Variants in RNASEL observed in about 807,000 individuals in gnomAD.
RNASEL encodes 2-5A-dependent ribonuclease.
A neutral mutation model predicts 50.9 loss-of-function variants in RNASEL; 36 were observed. The observed-to-expected ratio is 0.71, with a 90% confidence interval of 0.54 to 0.93. The LOEUF (loss-of-function observed/expected upper bound fraction) is 0.93. Among genes scored for constraint, RNASEL ranks in the 40% least tolerant of loss-of-function variants. The pLI is 0.00. For synonymous variants in RNASEL, 335 were observed against 335.6 expected (o/e 1.00, Z 0.02); for missense variants, 860 against 894.5 (o/e 0.96, Z 0.49).
chr1:182,584,000 G>A, intron 3 of RNASEL, 81 bp downstream of exon 3: 2 of 983,286 alleles, frequency 2.0e-6, no homozygotes, highest in South Asian at 1.3e-5. Flanking sequence ...TACTAGTTCT[G>A]TCCCTCTAGA....
In RNASEL at chr1:182,586,369, C is replaced by T. The variant is rs1661596708; in HGVS notation, c.438G>A (p.Lys146=). ...GCCTCAAATTCACATTTGCTCCTCT[C>T]TTATAAAGGAATTTTAGGGCTTTGA... ...GKVKALKFLY[K]RGANVNLRRK... The change falls in exon 2 of 7, where the codon AAG becomes AAA. Residue 146 remains lysine, a synonymous_variant. Transcript: ENST00000367559. 1.9e-6 allele frequency: 3 copies of T among 1,614,218 alleles called. No homozygotes were observed. The highest frequency in any genetic ancestry group is 2.5e-6 in the Non-Finnish European group (3 of 1,180,046).
intron 1 of RNASEL, among the ~76,000 whole-genome samples, chr1:182,588,179 G>A (rs981676627): frequency 4.6e-5 from 7 of 152,152 alleles, no homozygotes; most frequent in African/African-American, 7.2e-5. Context: ...AAGTCAAGGA[G>A]TATCTGCAGT....
At position 182,585,874 on chromosome 1, in the gene RNASEL, A is replaced by G. The variant is rs367817442; in HGVS notation, c.933T>C (p.Asn311=). 9.9e-6 allele frequency: 16 copies of G among 1,612,420 alleles called. No individual in the cohort carries two copies. The highest frequency in any genetic ancestry group is 1.3e-5 in the Non-Finnish European group (15 of 1,178,790). The change falls in exon 2 of 7, where the codon AAT becomes AAC. Residue 311 remains asparagine, a synonymous_variant. Coordinates refer to ENST00000367559, the MANE Select transcript of RNASEL (RefSeq NM_021133.4). Reference sequence around the variant, plus strand: ...GAACCTTCACAAGGGAATGGTCATAATTCCGCCTCGCTGTCATAACAAGAT... The same window carrying G: ...GAACCTTCACAAGGGAATGGTCATAGTTCCGCCTCGCTGTCATAACAAGAT... ...CGDLVMTARR[N]YDHSLVKVLL...
At chr1:182,581,092 G>A (rs2102366238) in intron 5 of RNASEL, 133 bp downstream of exon 5, 1 of 1,323,920 alleles carries the variant, frequency 7.6e-7, no homozygotes, top group Non-Finnish European at 1.1e-6. Context: ...AGGGATGGGA[G>A]GGCAGGAGGC....
chr1:182,588,284 T>C (rs1333211031), intron 1 of RNASEL, among the ~76,000 whole-genome samples: 1 of 152,236 alleles, frequency 6.6e-6, no homozygotes, highest in Non-Finnish European at 1.5e-5. Flanking sequence ...CCTTGGATTG[T>C]TGAATCTCAA....
chr1:182,586,347 T>C lies in RNASEL; in HGVS notation c.460A>G (p.Arg154Gly), dbSNP rs144213776. The change falls in exon 2 of 7, where the codon AGG becomes GGG. Residue 154 changes from arginine (R) to glycine (G), a missense_variant. Arg to Gly is a moderately radical substitution (Grantham distance 125, BLOSUM62 -2). Coordinates refer to ENST00000367559, the MANE Select transcript of RNASEL (RefSeq NM_021133.4). The part of the protein sequence containing the change: ...LYKRGANVNL[R>G]RKTKEDQERL... The stretch of plus-strand genomic sequence containing the variant: ...TCTTGATCCTCCTTTGTCTTTCGCC[T>C]CAAATTCACATTTGCTCCTCTCTTA... The C allele has an allele frequency of 6.2e-7, 1 of 1,614,100 alleles. No individual in the cohort carries two copies. Among genetic ancestry groups the C allele is most frequent in the Non-Finnish European group, 8.5e-7 (1 of 1,180,048 alleles).
chr1:182,573,817 G>A lies in RNASEL; in HGVS notation c.*1575C>T, dbSNP rs551063021. 1.1e-5 allele frequency: 2 copies of A among 187,572 alleles called. No individual in the cohort carries two copies. Among genetic ancestry groups the A allele is most frequent in the African/African-American group, 2.3e-5 (1 of 42,888 alleles). 11.6% of individuals were successfully genotyped at this position (187,572 alleles called of 1,614,324 possible). ...AATCAACATTTAATTTCATTCAGTG[G>A]TATCTATTTATCCATTGCTAGATAC... On this transcript the variant is annotated 3_prime_UTR_variant, in exon 7 of 7. Transcript: ENST00000367559.
chr1:182,577,596 T>C (rs1661414776), intron 5 of RNASEL, among the ~76,000 whole-genome samples: 1 of 151,862 alleles, frequency 6.6e-6, no homozygotes, highest in Non-Finnish European at 1.5e-5. Context: ...CCTATCAAAA[T>C]ACCAACATCA....
Position 182,586,163 on chromosome 1 carries a change from T to C in RNASEL, c.644A>G (p.Asp215Gly), listed in dbSNP as rs369225651. ...ATGCGTAATAGCCTCCACATCACTATCGTCAGAGCTCAGGAGAGCATGGAT... is the reference window on the plus strand; with the variant it reads ...ATGCGTAATAGCCTCCACATCACTACCGTCAGAGCTCAGGAGAGCATGGAT... ...ALIHALLSSD[D>G]SDVEAITHLL... is the part of the protein sequence containing the mutation. Residue 215 changes from aspartate (D) to glycine (G), a missense_variant, in exon 2 of 7, where the codon GAT (aspartate) becomes GGT (glycine). By Grantham distance (94) the Asp-to-Gly change is moderately conservative. Transcript: ENST00000367559. 5.0e-6 allele frequency: 8 copies of C among 1,614,154 alleles called. No individual in the cohort carries two copies. The highest frequency in any genetic ancestry group is 6.8e-6 in the Non-Finnish European group (8 of 1,180,036).
At chr1:182,575,784 G>C (rs1046391862) in intron 6 of RNASEL, among the ~76,000 whole-genome samples, 2 of 152,156 alleles carry the variant, frequency 1.3e-5, no homozygotes, top group African/African-American at 4.8e-5. Context: ...ACTTTAGATT[G>C]TTCTTTCATA....
rs978341783 is a variant in RNASEL, at chr1:182,573,950, T to C, written c.*1442A>G. Reference sequence around the variant, plus strand: ...AACATCAGACTTAGCACCAGAAAATTTGTTCAAATCAAGATAGTAACACTT... The same window carrying C: ...AACATCAGACTTAGCACCAGAAAATCTGTTCAAATCAAGATAGTAACACTT... On this transcript the variant is annotated 3_prime_UTR_variant, in exon 7 of 7. Transcript: ENST00000367559. 5.0e-6 allele frequency: 1 copy of C among 199,900 alleles called. No homozygotes were observed. Among genetic ancestry groups the C allele is most frequent in the African/African-American group, 2.3e-5 (1 of 43,526 alleles). The allele number at this position is 199,900 out of a possible 1,614,324, so 12.4% of individuals were successfully genotyped here. A position where few individuals can be genotyped will look rare whatever the true frequency, so the allele number is the denominator to read the frequency against.
intron 6 of RNASEL, among the ~76,000 whole-genome samples, chr1:182,575,851 G>A (rs1014125517): frequency 4.6e-5 from 7 of 152,198 alleles, no homozygotes; most frequent in Non-Finnish European, 5.9e-5. Flanking sequence ...ATCCAGAAGA[G>A]CCCTGAACTG....
intron 5 of RNASEL, 128 bp downstream of exon 5, chr1:182,581,097 G>A: frequency 2.2e-6 from 3 of 1,383,404 alleles, no homozygotes; most frequent in Middle Eastern, 2.0e-4. Context: ...TGGGAGGGCA[G>A]GAGGCAAAAT....
In RNASEL at chr1:182,586,939, G is replaced by T; in HGVS notation, c.-133C>A. ...GGCAACAGAGCAGCAGTATGAAGAA[G>T]GAACAATGTTCTCAGTCTTCTGACA... On this transcript the variant is annotated 5_prime_UTR_variant, in exon 2 of 7. Coordinates refer to ENST00000367559, the MANE Select transcript of RNASEL (RefSeq NM_021133.4). 1.7e-6 allele frequency: 2 copies of T among 1,185,744 alleles called. No homozygotes were observed. The highest frequency in any genetic ancestry group is 1.8e-5 in the Admixed American group (1 of 56,870). 73.5% of individuals were successfully genotyped at this position (1,185,744 alleles called of 1,614,324 possible). A position where few individuals can be genotyped will look rare whatever the true frequency, so the allele number is the denominator to read the frequency against.
At chr1:182,584,619 T>G (rs1392842720) in intron 2 of RNASEL, among the ~76,000 whole-genome samples, 1 of 152,210 alleles carries the variant, frequency 6.6e-6, no homozygotes, top group Non-Finnish European at 1.5e-5. Flanking sequence ...ATTTCATCAT[T>G]GCACTTAGAC....
rs1012424244 is a variant in RNASEL, at chr1:182,574,608, C to T, written c.*784G>A. The T allele has an allele frequency of 4.3e-6, 1 of 232,664 alleles. No homozygotes were observed. The highest frequency in any genetic ancestry group is 8.5e-6 in the Non-Finnish European group (1 of 117,846). 14.4% of individuals were successfully genotyped at this position (232,664 alleles called of 1,614,324 possible). Reference sequence around the variant, plus strand: ...GTTGCAGGGGCTGTCCTGTGCAAGGCAGGTTTGGCAGCATCCCTGGTCTTT... The same window carrying T: ...GTTGCAGGGGCTGTCCTGTGCAAGGTAGGTTTGGCAGCATCCCTGGTCTTT... On this transcript the variant is annotated 3_prime_UTR_variant, in exon 7 of 7. Coordinates refer to ENST00000367559, the MANE Select transcript of RNASEL (RefSeq NM_021133.4).
At chr1:182,587,406 A>T (rs1661621390) in intron 1 of RNASEL, among the ~76,000 whole-genome samples, 1 of 152,052 alleles carries the variant, frequency 6.6e-6, no homozygotes, top group Non-Finnish European at 1.5e-5. Flanking sequence ...TAAAATTAAA[A>T]ATTTAAAAAA....
rs1011639686 is a variant in RNASEL, at chr1:182,581,473, C to CTTTTTTTT, written c.1773-124_1773-117dup. The CTTTTTTTT allele has an allele frequency of 3.3e-4, 98 of 294,802 alleles. 3 individuals carry two copies. Among genetic ancestry groups the CTTTTTTTT allele is most frequent in the Middle Eastern group, 2.6e-3 (2 of 770 alleles). The allele number at this position is 294,802 out of a possible 1,614,324, so 18.3% of individuals were successfully genotyped here. On this transcript the variant is annotated intron_variant, in intron 4 of 6. Transcript: ENST00000367559. ...TTTTGTGCTTTCTTGGTTTTTCTTT[C>CTTTTTTTT]TTTTTTTTTTTTTTTTTTTTTTTTT...
rs753708255 is a variant in RNASEL, at chr1:182,584,192, T to A, written c.1481-26A>T. 3 of 1,414,054 alleles carry A rather than the reference T, an allele frequency of 2.1e-6. No homozygotes were observed. The African/African-American group carries it at 4.2e-5, about 20-fold the overall frequency. The allele number at this position is 1,414,054 out of a possible 1,614,324, so 87.6% of individuals were successfully genotyped here. A position where few individuals can be genotyped will look rare whatever the true frequency, so the allele number is the denominator to read the frequency against. ...CTAAGGAAAAGTTTGCAGAGGCACA[T>A]TGAAAATACTCATTCTCCATAAAGT... On this transcript the variant is annotated intron_variant, in intron 2 of 6. Coordinates refer to ENST00000367559, the MANE Select transcript of RNASEL (RefSeq NM_021133.4).
Sources: allele counts gnomAD v4.1 joint callset (sites outside exome capture counted in the v4.1 genomes callset), GRCh38; gene constraint gnomAD v4.1.1; transcripts MANE v1.5; gene names NCBI Gene and HGNC (gene_info 2026-07-23, HGNC 2026-07-21).